Variants in MFHAS1 observed in about 807,000 individuals in gnomAD.
The protein encoded by MFHAS1 is multifunctional ROCO family signaling regulator 1.
In MFHAS1, 50 loss-of-function variants were observed where a neutral mutation model predicts 70.4. The ratio of observed to expected loss-of-function variants is 0.71; its 90% CI spans 0.57 to 0.90. MFHAS1 has a LOEUF of 0.90. Among genes scored for constraint, MFHAS1 ranks in the 40% least tolerant of loss-of-function variants. The pLI is 0.00. For missense variants in MFHAS1, 1,795 were observed against 1,347.6 expected, an observed-to-expected ratio of 1.33 and a Z score of -5.20; for synonymous variants, 952 against 620.0, an observed-to-expected ratio of 1.54 and a Z score of -7.96.
chr8:8,824,156 TGAG>T (rs1807067999), intron 1 of MFHAS1, among the ~76,000 whole-genome samples: 1 of 151,678 alleles, frequency 6.6e-6, no homozygotes, highest in Non-Finnish European at 1.5e-5. Flanking sequence ...TATGCTCCCT[TGAG>T]AAGAAGCCAG....
At chr8:8,806,465 T>C (rs1346633613) in intron 1 of MFHAS1, among the ~76,000 whole-genome samples, 2 of 152,212 alleles carry the variant, frequency 1.3e-5, no homozygotes, top group African/African-American at 4.8e-5. Context: ...AGTCACCTAC[T>C]AAGAAGGGCT....
chr8:8,847,110 T>C (rs1411549901), intron 1 of MFHAS1, among the ~76,000 whole-genome samples: 1 of 152,188 alleles, frequency 6.6e-6, no homozygotes. Flanking sequence ...CTAACACCAA[T>C]GATATTTTTC....
intron 1 of MFHAS1, among the ~76,000 whole-genome samples, chr8:8,799,370 G>A (rs1806010316): frequency 6.6e-6 from 1 of 152,196 alleles, no homozygotes; most frequent in Admixed American, 6.5e-5. Context: ...ACAGTTGATT[G>A]CAGGTAACTG....
chr8:8,874,656 G>T (rs1377549896), intron 1 of MFHAS1, among the ~76,000 whole-genome samples: 1 of 151,812 alleles, frequency 6.6e-6, no homozygotes, highest in East Asian at 1.9e-4. Flanking sequence ...AAGTTATAAG[G>T]GTGAAGAATC....
chr8:8,890,281 A>T lies in MFHAS1; in HGVS notation c.2778T>A (p.Val926=), dbSNP rs765339503. The T allele has an allele frequency of 6.2e-7, 1 of 1,614,238 alleles. No homozygotes were observed. The highest frequency in any genetic ancestry group is 1.3e-5 in the African/African-American group (1 of 75,068). The change falls in exon 1 of 3, where the codon GTT becomes GTA. Residue 926 remains valine (V), a synonymous_variant. Transcript: ENST00000276282. ...IFAYRGKVPV[V]VSYRPARGVL... ...CTCCCCTGGCAGGTCTGTAACTCACAACCACAGGAACTTTCCCTCTATAGG... is the reference window on the plus strand; with the variant it reads ...CTCCCCTGGCAGGTCTGTAACTCACTACCACAGGAACTTTCCCTCTATAGG...
At chr8:8,807,879 C>T (rs1370249100) in intron 1 of MFHAS1, among the ~76,000 whole-genome samples, 4 of 152,316 alleles carry the variant, frequency 2.6e-5, no homozygotes, top group African/African-American at 9.6e-5. Context: ...GTATGTATCA[C>T]TATATATAGT....
chr8:8,891,445 G>A lies in MFHAS1; in HGVS notation c.1614C>T (p.His538=), dbSNP rs565604644. 4.3e-6 allele frequency: 7 copies of A among 1,612,956 alleles called. No individual in the cohort carries two copies. The Admixed American group carries it at 5.0e-5, about 12-fold the overall frequency. Reference sequence around the variant, plus strand: ...GCTCACGCTCTCCGCACAGGTCTGCGTGGGTGCCCACGATGCACACCACCG... The same window carrying A: ...GCTCACGCTCTCCGCACAGGTCTGCATGGGTGCCCACGATGCACACCACCG... The part of the protein sequence containing the change: ...PHAVVCIVGT[H]ADLCGERELE... Residue 538 remains histidine (H), a synonymous_variant, in exon 1 of 3, where the codon CAC becomes CAT. Transcript: ENST00000276282. This position sits in a 1 kb window ranked among gnomAD's most constrained non-coding sequence, Gnocchi z 5.4.
intron 1 of MFHAS1, among the ~76,000 whole-genome samples, chr8:8,801,878 G>A (rs60078880): frequency 4.2e-4 from 64 of 152,268 alleles, no homozygotes; most frequent in African/African-American, 1.5e-3. Context: ...AGATGCTGGT[G>A]GAGTTCGGAG....
At chr8:8,813,508 G>A (rs35432123) in intron 1 of MFHAS1, among the ~76,000 whole-genome samples, 1 of 152,060 alleles carries the variant, frequency 6.6e-6, no homozygotes, top group East Asian at 1.9e-4. Flanking sequence ...CAGTGATATT[G>A]ATGATCCTGA....
intron 2 of MFHAS1, among the ~76,000 whole-genome samples, chr8:8,786,438 C>T (rs1396608092): frequency 6.6e-6 from 1 of 152,152 alleles, no homozygotes; most frequent in Non-Finnish European, 1.5e-5. Flanking sequence ...CGCAGACACA[C>T]ACCAAATAAT....
chr8:8,887,727 G>A (rs1809821781), intron 1 of MFHAS1, among the ~76,000 whole-genome samples: 1 of 151,264 alleles, frequency 6.6e-6, no homozygotes. Flanking sequence ...TGCAAAACCA[G>A]GTGTGCCTCA....
At chr8:8,792,443 CA>C (rs1367677534) in intron 2 of MFHAS1, among the ~76,000 whole-genome samples, 3 of 152,048 alleles carry the variant, frequency 2.0e-5, no homozygotes, top group Non-Finnish European at 4.4e-5. Flanking sequence ...TCTACTAATA[CA>C]AAAAATAAAA....
chr8:8,866,636 C>T (rs190807923), intron 1 of MFHAS1, among the ~76,000 whole-genome samples: 2 of 152,258 alleles, frequency 1.3e-5, no homozygotes, highest in East Asian at 3.9e-4. Context: ...TCACTCTTAT[C>T]CCTAGTAAAA....
intron 1 of MFHAS1, among the ~76,000 whole-genome samples, chr8:8,840,657 G>A (rs1177303993): frequency 6.6e-6 from 1 of 152,196 alleles, no homozygotes; most frequent in African/African-American, 2.4e-5. Flanking sequence ...TTTTAAGATG[G>A]ATGATCACTT....
chr8:8,872,593 G>C (rs1325360329), intron 1 of MFHAS1, among the ~76,000 whole-genome samples: 1 of 152,108 alleles, frequency 6.6e-6, no homozygotes, highest in East Asian at 1.9e-4. Context: ...ACATTACACA[G>C]AGGAGGCTCA....
intron 2 of MFHAS1, among the ~76,000 whole-genome samples, chr8:8,795,995 G>A (rs760211474): frequency 2.0e-5 from 3 of 152,156 alleles, no homozygotes; most frequent in Non-Finnish European, 4.4e-5. Flanking sequence ...CATGAGATCT[G>A]ACCCAAGAAG....
intron 1 of MFHAS1, among the ~76,000 whole-genome samples, chr8:8,809,471 C>T (rs895335401): frequency 7.9e-5 from 12 of 152,150 alleles, no homozygotes; most frequent in Non-Finnish European, 1.8e-4. Flanking sequence ...TCCTCACTGA[C>T]CCTAAAAAGG....
chr8:8,855,771 A>C (rs1411008377), intron 1 of MFHAS1, among the ~76,000 whole-genome samples: 1 of 152,144 alleles, frequency 6.6e-6, no homozygotes, highest in Non-Finnish European at 1.5e-5. Flanking sequence ...CAGGAGAAGC[A>C]CTTGAACCTG....
intron 1 of MFHAS1, among the ~76,000 whole-genome samples, chr8:8,822,857 G>A (rs1291233553): frequency 6.6e-6 from 1 of 152,110 alleles, no homozygotes; most frequent in Non-Finnish European, 1.5e-5. Flanking sequence ...CAAGTCAGGG[G>A]GACTGAGACG....
Sources: gnomAD v4.1 joint callset for allele counts (sites outside exome capture counted in the v4.1 genomes callset) on GRCh38, gnomAD v4.1.1 for gene constraint, Gnocchi (gnomAD v3.1) non-coding constraint, MANE v1.5 for transcripts, NCBI Gene and HGNC (gene_info 2026-07-23, HGNC 2026-07-21) for gene names.